The following TCF4 variants were observed in gnomAD, a reference collection of about 807,000 sequenced individuals.
TCF4 encodes the protein transcription factor 4.
TCF4 carries 3 observed loss-of-function variants against 82.1 expected under a neutral mutation model. The ratio of observed to expected loss-of-function variants is 0.04; its 90% confidence interval spans 0.02 to 0.09. The LOEUF (loss-of-function observed/expected upper bound fraction) is 0.09. TCF4 is among the 10% of genes least tolerant of loss of function. The probability of loss-of-function intolerance (pLI) is 1.00; values close to 1 mark genes in which losing one functional copy is unlikely to be tolerated. For missense variants in TCF4, 518 were observed against 852.7 expected (o/e 0.61, Z 4.89); for synonymous variants, 276 against 309.6 (o/e 0.89, Z 1.14).
rs1343301612 is a variant in TCF4 at position 55,563,846 on chromosome 18, T to G, written c.145+21434A>C. ...ATTTGCAAATGCAAAAATTATAATA[T>G]CATCAGAAATTTTTATGACCTTGAA... On this transcript the variant is annotated intron_variant, in intron 3 of 19. Coordinates refer to ENST00000354452, the MANE Select transcript of TCF4 (RefSeq NM_001083962.2). Among the ~76,000 whole-genome samples the G allele has an allele frequency of 2.6e-5, 4 of 152,332 alleles. No homozygotes were observed. The East Asian group carries it at 7.7e-4, about 29-fold the overall frequency.
intron 8 of TCF4, among the ~76,000 whole-genome samples, chr18:55,310,128 T>C (rs9959439): frequency 0.051 from 7,732 of 152,246 alleles, 377 homozygotes; most frequent in South Asian, 0.16. Context: ...ACAGATGTGA[T>C]GTACAAAGTA....
At chr18:55,400,500 C>A (rs1018649888) in intron 6 of TCF4, among the ~76,000 whole-genome samples, 2 of 152,140 alleles carry the variant, frequency 1.3e-5, no homozygotes, top group Admixed American at 6.5e-5. Flanking sequence ...ATGTTTATTT[C>A]TGATAACTTC....
chr18:55,576,220 A>G lies in TCF4; in HGVS notation c.145+9060T>C, dbSNP rs192863818. 1.9e-3 allele frequency among the ~76,000 whole-genome samples: 289 copies of G among 152,288 alleles called. 1 individual carries two copies. Among genetic ancestry groups the G allele is most frequent in the Admixed American group, 0.015 (231 of 15,294 alleles). ...ATTGCAAAAGAACCTAGATTTCCAG[A>G]ATTTGGCTACATGAACAATTTTCTC... On this transcript the variant is annotated intron_variant, in intron 3 of 19. Coordinates refer to ENST00000354452, the MANE Select transcript of TCF4 (RefSeq NM_001083962.2).
rs1237735293 is a variant in TCF4 at position 55,365,187 on chromosome 18, A to G, written c.370-14184T>C. Among the ~76,000 whole-genome samples the G allele has an allele frequency of 8.1e-3, 878 of 108,372 alleles. 26 individuals are homozygous for G. Among genetic ancestry groups the G allele is most frequent in the African/African-American group, 0.035 (801 of 23,004 alleles). The allele number at this position is 108,372 out of a possible 152,430, so 71.1% of individuals were successfully genotyped here. The stretch of plus-strand genomic sequence containing the variant: ...TATATATATATATATATATATATAT[A>G]TATATGTGTGTGTGTGTGTGTGTAT... On this transcript the variant is annotated intron_variant, in intron 6 of 19. Transcript: ENST00000354452.
chr18:55,502,655 G>C (rs187088258), intron 3 of TCF4, among the ~76,000 whole-genome samples: 1 of 152,296 alleles, frequency 6.6e-6, no homozygotes. Context: ...CTCTGACTTT[G>C]AAACTGCAAC....
At chr18:55,276,712 C>T (rs1340870927) in intron 9 of TCF4, among the ~76,000 whole-genome samples, 5 of 152,162 alleles carry the variant, frequency 3.3e-5, no homozygotes, top group Admixed American at 6.6e-5. Context: ...ACTAGGTATA[C>T]ACTAGGCCAT....
At chr18:55,585,993 C>A in intron 2 of TCF4, 3 of 1,334,130 alleles carry the variant, frequency 2.2e-6, no homozygotes, top group Non-Finnish European at 2.9e-6. Flanking sequence ...TCAGAGCCTG[C>A]AAAAAGCAAA....
chr18:55,372,977 G>GA (rs994479011), intron 6 of TCF4, among the ~76,000 whole-genome samples: 21 of 148,578 alleles, frequency 1.4e-4, no homozygotes, highest in Middle Eastern at 3.4e-3. Flanking sequence ...TGCACCATTA[G>GA]AAAAAAAAAG....
chr18:55,583,262 T>C (rs1312024186), intron 3 of TCF4, among the ~76,000 whole-genome samples: 1 of 152,158 alleles, frequency 6.6e-6, no homozygotes, highest in Non-Finnish European at 1.5e-5. Flanking sequence ...TCACTGTGTA[T>C]GCATTAGAAG....
intron 9 of TCF4, among the ~76,000 whole-genome samples, 181 bp downstream of exon 9, chr18:55,279,370 A>T (rs2062074633): frequency 6.6e-6 from 1 of 152,200 alleles, no homozygotes; most frequent in South Asian, 2.1e-4. Flanking sequence ...ATTGTAAAGA[A>T]AGACTTAGTA....
intron 3 of TCF4, among the ~76,000 whole-genome samples, chr18:55,532,367 T>G (rs1669912897): frequency 6.6e-6 from 1 of 152,220 alleles, no homozygotes; most frequent in African/African-American, 2.4e-5. Context: ...CAGCAACTTC[T>G]AAGGAGCTGT....
At chr18:55,351,862 G>T in intron 6 of TCF4, 2 of 910,732 alleles carry the variant, frequency 2.2e-6, no homozygotes, top group Non-Finnish European at 2.6e-6. Context: ...ATTCTGATAT[G>T]CAATAAAACA....
At chr18:55,615,061 T>G (rs747549430) in intron 2 of TCF4, among the ~76,000 whole-genome samples, 5 of 152,266 alleles carry the variant, frequency 3.3e-5, no homozygotes, top group Non-Finnish European at 4.4e-5. Flanking sequence ...TTGTCTGCAT[T>G]GTGGTAAATA....
chr18:55,405,012 C>T (rs1354120176), intron 5 of TCF4, among the ~76,000 whole-genome samples: 1 of 152,244 alleles, frequency 6.6e-6, no homozygotes, highest in East Asian at 1.9e-4. Context: ...AAGACACCAT[C>T]GCACAGACTG....
At chr18:55,514,379 A>C (rs1051032598) in intron 3 of TCF4, among the ~76,000 whole-genome samples, 1 of 149,222 alleles carries the variant, frequency 6.7e-6, no homozygotes, top group Non-Finnish European at 1.5e-5. Flanking sequence ...ATGCACATCC[A>C]TGAGCATACA....
chr18:55,339,119 C>T (rs1282724447), intron 8 of TCF4, among the ~76,000 whole-genome samples: 2 of 152,046 alleles, frequency 1.3e-5, no homozygotes, highest in Non-Finnish European at 2.9e-5. Context: ...CCCTGAGTAA[C>T]CAAGAGGTGA....
chr18:55,486,560 C>G (rs891075914), intron 3 of TCF4, among the ~76,000 whole-genome samples: 2 of 152,102 alleles, frequency 1.3e-5, no homozygotes, highest in East Asian at 3.9e-4. Flanking sequence ...CCACTGCACT[C>G]CAGCGTGGGT....
Position 55,370,727 on chromosome 18 carries a change from C to T in TCF4, c.370-19724G>A, listed in dbSNP as rs191658577. 3.5e-3 allele frequency among the ~76,000 whole-genome samples: 534 copies of T among 152,188 alleles called. 4 individuals are homozygous for T. The highest frequency in any genetic ancestry group is 5.7e-3 in the Non-Finnish European group (385 of 68,024). On this transcript the variant is annotated intron_variant, in intron 6 of 19. Coordinates refer to ENST00000354452, the MANE Select transcript of TCF4 (RefSeq NM_001083962.2). ...CAAAGCATGAAAAAAAGGATGAAAG[C>T]ATCTCCTTAGATAGGAATAAAATCA...
chr18:55,379,478 T>C (rs369632518), intron 6 of TCF4, among the ~76,000 whole-genome samples: 1 of 152,036 alleles, frequency 6.6e-6, no homozygotes, highest in Non-Finnish European at 1.5e-5. Context: ...AGGGAGTGTG[T>C]CCCTGGGAAG....
Sources: gnomAD v4.1 joint callset for allele counts (sites outside exome capture counted in the v4.1 genomes callset) on GRCh38, gnomAD v4.1.1 for gene constraint, MANE v1.5 for transcripts, NCBI Gene and HGNC (gene_info 2026-07-23, HGNC 2026-07-21) for gene names.